Variants in F13A1 observed in about 807,000 individuals in gnomAD.
The protein encoded by F13A1 is coagulation factor XIII A chain.
Under a neutral mutation model 80.1 loss-of-function variants are expected in F13A1, and 47 were observed. That is an observed-to-expected ratio of 0.59 (90% CI 0.46 to 0.75). The LOEUF (loss-of-function observed/expected upper bound fraction) is 0.75, where lower values mean the gene tolerates loss of function less well. Among genes scored for constraint, F13A1 ranks in the 30% least tolerant of loss-of-function variants. The pLI is 0.00. For missense variants in F13A1, 817 were observed against 930.4 expected (o/e 0.88, Z 1.59); for synonymous variants, 349 against 344.9 (o/e 1.01, Z -0.13).
chr6:6,168,096 A>T (rs1760709658), intron 12 of F13A1, among the ~76,000 whole-genome samples: 1 of 152,034 alleles, frequency 6.6e-6, no homozygotes. Context: ...CTACCTACAC[A>T]TTTTCTCTGT....
chr6:6,263,363 C>T (rs542188669), intron 4 of F13A1, among the ~76,000 whole-genome samples: 3 of 152,314 alleles, frequency 2.0e-5, no homozygotes, highest in African/African-American at 4.8e-5. Flanking sequence ...CTCCCCTATC[C>T]TATTCAACTA....
At chr6:6,305,289 A>G in intron 3 of F13A1, 62 bp downstream of exon 3, 1 of 1,573,174 alleles carries the variant, frequency 6.4e-7, no homozygotes. Flanking sequence ...CTGTGCCTGT[A>G]CCCACCTCTC....
At chr6:6,208,725 C>T (rs961421878) in intron 8 of F13A1, among the ~76,000 whole-genome samples, 1 of 151,944 alleles carries the variant, frequency 6.6e-6, no homozygotes, top group Non-Finnish European at 1.5e-5. Flanking sequence ...AATAATTTAC[C>T]ATGTACAAGA....
chr6:6,285,013 T>C (rs1371722780), intron 3 of F13A1, among the ~76,000 whole-genome samples: 1 of 152,196 alleles, frequency 6.6e-6, no homozygotes, highest in Non-Finnish European at 1.5e-5. Context: ...TACAGTAAGC[T>C]CTTTAAAGAC....
intron 8 of F13A1, among the ~76,000 whole-genome samples, chr6:6,197,822 C>T (rs886961475): frequency 6.6e-6 from 1 of 152,138 alleles, no homozygotes. Context: ...ATTGGCATCC[C>T]TCAGGACACT....
At chr6:6,183,408 C>T (rs1010582928) in intron 10 of F13A1, among the ~76,000 whole-genome samples, 2 of 152,106 alleles carry the variant, frequency 1.3e-5, no homozygotes, top group African/African-American at 4.8e-5. Context: ...GATTCAGAAT[C>T]CTAATGATGA....
intron 2 of F13A1, among the ~76,000 whole-genome samples, chr6:6,311,437 T>C (rs1322155679): frequency 6.6e-6 from 1 of 151,754 alleles, no homozygotes; most frequent in Non-Finnish European, 1.5e-5. Flanking sequence ...AATAAAATAC[T>C]GTCTTTCTAG....
rs1757511916 is a variant in F13A1, at chr6:6,243,353, T to G, written c.798+4959A>C. On this transcript the variant is annotated intron_variant, in intron 6 of 14. Transcript: ENST00000264870. The surrounding 1 kb of genome is among the most constrained non-coding windows in gnomAD (Gnocchi z 4.2). ...CGTCACCACCACCATCATCACTAAC[T>G]CTATCACCACCACCACCAAACACCA... Among the ~76,000 whole-genome samples, 1 of 151,354 alleles carries G rather than the reference T, an allele frequency of 6.6e-6. No homozygotes were observed. Among genetic ancestry groups the G allele is most frequent in the South Asian group, 2.1e-4 (1 of 4,762 alleles).
chr6:6,291,396 C>T (rs1033718689), intron 3 of F13A1, among the ~76,000 whole-genome samples: 1 of 152,158 alleles, frequency 6.6e-6, no homozygotes, highest in African/African-American at 2.4e-5. Context: ...CCTCCTCTCA[C>T]CCACATTCCT....
At chr6:6,284,229 C>A (rs1359153046) in intron 3 of F13A1, among the ~76,000 whole-genome samples, 2 of 152,124 alleles carry the variant, frequency 1.3e-5, no homozygotes, top group African/African-American at 4.8e-5. Context: ...TTGGCTAACA[C>A]TCCACTCAAA....
intron 13 of F13A1, among the ~76,000 whole-genome samples, chr6:6,158,648 GA>G (rs1006204582): frequency 6.6e-6 from 1 of 152,150 alleles, no homozygotes; most frequent in African/African-American, 2.4e-5. Context: ...TCTTGGTGAC[GA>G]GAGTGCGATG....
At chr6:6,180,680 T>C (rs1760964837) in intron 11 of F13A1, among the ~76,000 whole-genome samples, 1 of 152,206 alleles carries the variant, frequency 6.6e-6, no homozygotes, top group South Asian at 2.1e-4. Context: ...TGTTGTGCAA[T>C]GGATGATAAC....
At chr6:6,288,928 A>C (rs891098677) in intron 3 of F13A1, among the ~76,000 whole-genome samples, 1 of 152,184 alleles carries the variant, frequency 6.6e-6, no homozygotes, top group Non-Finnish European at 1.5e-5. Flanking sequence ...TCCATAAGCC[A>C]GTTGGCCATT....
chr6:6,235,863 T>C (rs1394167448), intron 6 of F13A1, among the ~76,000 whole-genome samples: 4 of 152,110 alleles, frequency 2.6e-5, no homozygotes, highest in Non-Finnish European at 5.9e-5. Flanking sequence ...TCTGGCTTTA[T>C]TTGTAAGAGG....
chr6:6,202,903 C>A (rs187615932), intron 8 of F13A1, among the ~76,000 whole-genome samples: 1 of 152,362 alleles, frequency 6.6e-6, no homozygotes, highest in Admixed American at 6.5e-5. Context: ...ACTAGAACAG[C>A]AGCACCATCC....
chr6:6,279,704 G>A (rs1758035672), intron 3 of F13A1, among the ~76,000 whole-genome samples: 1 of 152,156 alleles, frequency 6.6e-6, no homozygotes, highest in South Asian at 2.1e-4. Flanking sequence ...TGGAGCCAAA[G>A]CACCATTTGC....
chr6:6,248,301 T>C lies in F13A1; in HGVS notation c.798+11A>G. The C allele has an allele frequency of 6.2e-7, 1 of 1,610,448 alleles. No homozygotes were observed. The highest frequency in any genetic ancestry group is 8.5e-7 in the Non-Finnish European group (1 of 1,176,860). ...TGTAACAGATTTTAGGTATCAGTAA[T>C]TGCTGCTTACCATTGCAGACCCCAC... On this transcript the variant is annotated intron_variant, in intron 6 of 14. Transcript: ENST00000264870.
At chr6:6,194,163 A>G (rs1274373787) in intron 10 of F13A1, among the ~76,000 whole-genome samples, 2 of 151,710 alleles carry the variant, frequency 1.3e-5, no homozygotes, top group African/African-American at 2.4e-5. Flanking sequence ...CTTCATAACA[A>G]CCCCTCCAAT....
chr6:6,236,651 CT>C (rs1757417781), intron 6 of F13A1, among the ~76,000 whole-genome samples: 1 of 152,044 alleles, frequency 6.6e-6, no homozygotes, highest in South Asian at 2.1e-4. Context: ...GATGAAATGA[CT>C]TTTCTCTGTT....
Sources: gnomAD v4.1 joint callset for allele counts (sites outside exome capture counted in the v4.1 genomes callset) on GRCh38, gnomAD v4.1.1 for gene constraint, Gnocchi (gnomAD v3.1) non-coding constraint, MANE v1.5 for transcripts, NCBI Gene and HGNC (gene_info 2026-07-23, HGNC 2026-07-21) for gene names.